The following STAU1 variants were observed in gnomAD, a reference collection of about 807,000 sequenced individuals.
STAU1 encodes the protein double-stranded RNA-binding protein Staufen homolog 1.
STAU1 carries 13 observed loss-of-function variants against 62.9 expected under a neutral mutation model. That is an observed-to-expected ratio of 0.21 (90% CI 0.13 to 0.33). The LOEUF is 0.33. STAU1 is among the 10% of genes least tolerant of loss of function. The pLI, the probability that STAU1 is intolerant of heterozygous loss-of-function variation, is 1.00. For missense variants in STAU1, 571 were observed against 712.1 expected (o/e 0.80, Z 2.25); for synonymous variants, 269 against 265.1 (o/e 1.01, Z -0.14).
At chr20:49,206,089 T>G in the STAU1 span, among the ~76,000 whole-genome samples, 8 of 150,756 alleles carry the variant, frequency 5.3e-5, no homozygotes, top group Non-Finnish European at 7.4e-5. Flanking sequence ...GTTCAAGCGA[T>G]TCTCTGCCTC....
chr20:49,173,873 G>C (rs1018252672), intron 2 of STAU1, among the ~76,000 whole-genome samples: 1 of 152,050 alleles, frequency 6.6e-6, no homozygotes, highest in Non-Finnish European at 1.5e-5. Context: ...AGAAATCAAA[G>C]GGTTTTTTTA....
chr20:49,196,122 T>TA, the STAU1 span, among the ~76,000 whole-genome samples: 152 of 80,470 alleles, frequency 1.9e-3, no homozygotes, highest in Middle Eastern at 0.01. Context: ...AGACTCCATC[T>TA]AAAAAAAAAA....
intron 6 of STAU1, chr20:49,134,449 A>AAAAAAAAAAAAAAAAAGG: frequency 1.6e-6 from 1 of 609,624 alleles, no homozygotes; most frequent in Non-Finnish European, 2.9e-6. Context: ...AAAAAAAAAA[A>AAAAAAAAAAAAAAAAAGG]GCTCTGGGTT....
chr20:49,198,441 A>G, the STAU1 span, among the ~76,000 whole-genome samples: 1 of 152,258 alleles, frequency 6.6e-6, no homozygotes, highest in South Asian at 2.1e-4. Context: ...CAGCAGGTGG[A>G]GGTTGTAGTA....
At chr20:49,147,166 A>T (rs1222897708) in intron 5 of STAU1, among the ~76,000 whole-genome samples, 1 of 152,080 alleles carries the variant, frequency 6.6e-6, no homozygotes, top group Admixed American at 6.5e-5. Flanking sequence ...CATTATTCCA[A>T]CCTAAATGAG....
intron 1 of STAU1, among the ~76,000 whole-genome samples, chr20:49,185,251 C>A (rs2093773355): frequency 2.0e-5 from 3 of 152,180 alleles, no homozygotes; most frequent in African/African-American, 7.2e-5. Flanking sequence ...TGTAGTTTAA[C>A]TTTGACACAA....
chr20:49,202,915 G>T, the STAU1 span, among the ~76,000 whole-genome samples: 1 of 149,818 alleles, frequency 6.7e-6, no homozygotes, highest in Non-Finnish European at 1.5e-5. Flanking sequence ...TGGTACGCCT[G>T]CCTGTAACCC....
chr20:49,218,090 G>T, the STAU1 span, among the ~76,000 whole-genome samples: 13 of 151,406 alleles, frequency 8.6e-5, no homozygotes, highest in Admixed American at 8.6e-4. Context: ...GGTCAGGCTG[G>T]TTTTAAACTC....
the STAU1 span, among the ~76,000 whole-genome samples, chr20:49,196,054 G>A: frequency 1.4e-5 from 2 of 147,302 alleles, no homozygotes; most frequent in Non-Finnish European, 3.0e-5. Flanking sequence ...ACCCAAGGAG[G>A]CGGAGGTTGC....
At chr20:49,116,989 C>T (rs1763701147) in intron 12 of STAU1, 137 bp downstream of exon 12, 3 of 1,138,122 alleles carry the variant, frequency 2.6e-6, no homozygotes, top group Admixed American at 4.9e-5. Context: ...AATATGAACA[C>T]TATCAAACGA....
At chr20:49,136,191 C>T (rs1482900711) in intron 5 of STAU1, among the ~76,000 whole-genome samples, 1 of 152,182 alleles carries the variant, frequency 6.6e-6, no homozygotes, top group African/African-American at 2.4e-5. Context: ...GTTCCAACTA[C>T]TTGGAGGGCT....
At chr20:49,190,440 C>T (rs2093829829), upstream of STAU1, among the ~76,000 whole-genome samples, 1 of 152,190 alleles carries the variant, frequency 6.6e-6, no homozygotes, top group Non-Finnish European at 1.5e-5. Flanking sequence ...TGTGCCACCA[C>T]TCCCAGCTAA....
In STAU1 at chr20:49,141,980, T is replaced by C. The variant is rs1029514791; in HGVS notation, c.511-6049A>G. ...TACTAATAACTGTAATTCCAGCACT[T>C]TGGGAGGTCAAGGCGGGAGGGTCAC... On this transcript the variant is annotated intron_variant, in intron 5 of 13. Coordinates refer to ENST00000371856, the MANE Select transcript of STAU1 (RefSeq NM_017453.4). 4.6e-5 allele frequency among the ~76,000 whole-genome samples: 7 copies of C among 151,400 alleles called. No individual in the cohort carries two copies. The South Asian group carries it at 1.5e-3, about 32-fold the overall frequency.
the STAU1 span, among the ~76,000 whole-genome samples, chr20:49,202,275 C>T: frequency 1.5e-5 from 2 of 132,844 alleles, no homozygotes; most frequent in South Asian, 4.5e-4. Flanking sequence ...CTAGAATAGG[C>T]TGGGACACCG....
chr20:49,189,201 CAAAAAAAAAAAAAAAAAAAAA>C (rs545643816), upstream of STAU1, among the ~76,000 whole-genome samples: 7 of 33,622 alleles, frequency 2.1e-4, no homozygotes, highest in South Asian at 2.1e-3. Context: ...ACACTGGTCT[CAAAAAAAAAAAAAAAAAAAAA>C]AAAAAAAAAA....
At chr20:49,121,914 CAGAG>C (rs2092473430) in intron 8 of STAU1, among the ~76,000 whole-genome samples, 1 of 152,190 alleles carries the variant, frequency 6.6e-6, no homozygotes, top group Non-Finnish European at 1.5e-5. Context: ...TCACAAGACT[CAGAG>C]AGTCAAAGAA....
chr20:49,196,823 T>C, the STAU1 span, among the ~76,000 whole-genome samples: 1 of 147,398 alleles, frequency 6.8e-6, no homozygotes, highest in Non-Finnish European at 1.5e-5. Flanking sequence ...AATTCAAGGA[T>C]ATTAACAGAA....
intron 6 of STAU1, among the ~76,000 whole-genome samples, chr20:49,125,281 C>A (rs2092581916): frequency 7.1e-6 from 1 of 140,506 alleles, no homozygotes; most frequent in Non-Finnish European, 1.5e-5. Flanking sequence ...GTAATCCCAG[C>A]AATTTGGGAG....
At chr20:49,205,737 C>G in the STAU1 span, among the ~76,000 whole-genome samples, 1 of 151,060 alleles carries the variant, frequency 6.6e-6, no homozygotes, top group Non-Finnish European at 1.5e-5. Flanking sequence ...CAATGGCACA[C>G]AATCTTGGCT....
Sources: gnomAD v4.1 joint callset for allele counts (sites outside exome capture counted in the v4.1 genomes callset) on GRCh38, gnomAD v4.1.1 for gene constraint, MANE v1.5 for transcripts, NCBI Gene and HGNC (gene_info 2026-07-23, HGNC 2026-07-21) for gene names.